Variants in SH3BP4 observed in about 807,000 individuals in gnomAD.
SH3BP4 encodes SH3 domain-binding protein 4.
In SH3BP4, 33 loss-of-function variants were observed where a neutral mutation model predicts 65.5. The observed-to-expected ratio is 0.50, with a 90% CI of 0.38 to 0.67. The LOEUF (loss-of-function observed/expected upper bound fraction) is 0.67, where lower values mean the gene tolerates loss of function less well. SH3BP4 is among the 30% of genes least tolerant of loss of function. The probability of loss-of-function intolerance (pLI) is 0.00; values close to 1 mark genes in which losing one functional copy is unlikely to be tolerated. For synonymous variants in SH3BP4, 552 were observed against 545.5 expected (o/e 1.01, Z -0.17); for missense variants, 1,134 against 1,261.4 (o/e 0.90, Z 1.53).
intron 1 of SH3BP4, among the ~76,000 whole-genome samples, chr2:234,975,420 C>T (rs566110861): frequency 1.1e-3 from 175 of 152,322 alleles, no homozygotes; most frequent in African/African-American, 4.1e-3. Context: ...CCCTTACCTC[C>T]AGCATCTGAG....
At chr2:234,986,305 T>C (rs1427417849) in intron 1 of SH3BP4, among the ~76,000 whole-genome samples, 12 of 152,212 alleles carry the variant, frequency 7.9e-5, no homozygotes, top group Admixed American at 7.2e-4. Context: ...CATATTTAAA[T>C]AAGGTCCAAG....
At chr2:235,025,687 A>G (rs1694978135) in intron 2 of SH3BP4, among the ~76,000 whole-genome samples, 2 of 152,232 alleles carry the variant, frequency 1.3e-5, no homozygotes, top group Non-Finnish European at 2.9e-5. Context: ...AGAAAAAATA[A>G]CAAGCACGAT....
Position 235,006,231 on chromosome 2 carries a change from C to T in SH3BP4, c.-133+10855C>T, listed in dbSNP as rs551149712. ...TCAGCCTTGGTCTCCTTTGTCTTTG[C>T]GGGCTTTGTTCCGCGAGGATTTTTT... On this transcript the variant is annotated intron_variant, in intron 2 of 5. Coordinates refer to ENST00000392011, the MANE Select transcript of SH3BP4 (RefSeq NM_014521.3). Among the ~76,000 whole-genome samples the T allele has an allele frequency of 3.3e-5, 5 of 152,180 alleles. No individual in the cohort carries two copies. The East Asian group carries it at 5.8e-4, about 18-fold the overall frequency.
intron 1 of SH3BP4, among the ~76,000 whole-genome samples, chr2:234,956,622 T>C (rs528930753): frequency 4.0e-5 from 6 of 149,590 alleles, no homozygotes; most frequent in African/African-American, 1.5e-4. Context: ...GGCTCAATCA[T>C]AGCTCACTGC....
At chr2:234,989,441 C>T (rs1693681300) in intron 1 of SH3BP4, among the ~76,000 whole-genome samples, 1 of 152,246 alleles carries the variant, frequency 6.6e-6, no homozygotes, top group Admixed American at 6.5e-5. Context: ...GGCAAACACT[C>T]CTGGCATGCA....
chr2:235,029,575 C>T (rs1053497236), intron 2 of SH3BP4, among the ~76,000 whole-genome samples: 2 of 147,888 alleles, frequency 1.4e-5, no homozygotes, highest in South Asian at 2.1e-4. Flanking sequence ...TCTCATGGCA[C>T]GTGCCTGGGA....
At chr2:235,029,633 T>C (rs1020571227) in intron 2 of SH3BP4, among the ~76,000 whole-genome samples, 1 of 152,234 alleles carries the variant, frequency 6.6e-6, no homozygotes, top group South Asian at 2.1e-4. Context: ...TAAAAATGTT[T>C]TATTGTGCAC....
intron 3 of SH3BP4, among the ~76,000 whole-genome samples, chr2:235,036,253 G>C (rs1236347766): frequency 6.6e-6 from 1 of 152,222 alleles, no homozygotes; most frequent in African/African-American, 2.4e-5. Context: ...GCCCGTGTGA[G>C]ATTTTATTTG....
rs1037066148 is a variant in SH3BP4, at chr2:235,046,743, A to G, written c.2478+3496A>G. ...TGAATGAATGAATGATGGATGAATG[A>G]ATGAATGATGAATGAATGAATGAAT... On this transcript the variant is annotated intron_variant, in intron 4 of 5. Coordinates refer to ENST00000392011, the MANE Select transcript of SH3BP4 (RefSeq NM_014521.3). The surrounding 1 kb of genome is among the most constrained non-coding windows in gnomAD (Gnocchi z 4.2). 6.7e-6 allele frequency among the ~76,000 whole-genome samples: 1 copy of G among 148,912 alleles called. No individual in the cohort carries two copies. The highest frequency in any genetic ancestry group is 6.7e-5 in the Admixed American group (1 of 15,020).
chr2:235,007,977 C>T (rs1574814613), intron 2 of SH3BP4, among the ~76,000 whole-genome samples: 1 of 152,252 alleles, frequency 6.6e-6, no homozygotes, highest in East Asian at 1.9e-4. Flanking sequence ...GAAGGACCAG[C>T]CGTTGGGGGT....
At chr2:234,983,353 C>T (rs1693450666) in intron 1 of SH3BP4, 1 of 152,252 alleles carries the variant, frequency 6.6e-6, no homozygotes, top group African/African-American at 2.4e-5. Context: ...TGCTATGTTC[C>T]AGGTTGTTCC....
At position 234,978,854 on chromosome 2, in the gene SH3BP4, G is replaced by GGATGGATCGAGAGTCAGC. The variant is rs1240134820; in HGVS notation, c.-206-16449_-206-16448insGATGGATCGAGAGTCAGC. The stretch of plus-strand genomic sequence containing the variant: ...GGTGAGATCCGAGAGTCATGCCGCT[G>GGATGGATCGAGAGTCAGC]CGTGGAGGAACATGCTGAACCTCTG... On this transcript the variant is annotated intron_variant, in intron 1 of 5. Coordinates refer to ENST00000392011, the MANE Select transcript of SH3BP4 (RefSeq NM_014521.3). The surrounding 1 kb of genome is among the most constrained non-coding windows in gnomAD (Gnocchi z 4.1). 1 of 152,262 alleles carries GGATGGATCGAGAGTCAGC rather than the reference G, an allele frequency of 6.6e-6. No homozygotes were observed. The highest frequency in any genetic ancestry group is 2.4e-5 in the African/African-American group (1 of 41,442). 9.4% of individuals were successfully genotyped at this position (152,262 alleles called of 1,614,324 possible).
At chr2:235,024,797 A>C (rs940777424) in intron 2 of SH3BP4, among the ~76,000 whole-genome samples, 2 of 152,182 alleles carry the variant, frequency 1.3e-5, no homozygotes, top group African/African-American at 4.8e-5. Context: ...TATTAATAAC[A>C]GTTGATTTTT....
chr2:235,006,999 A>T (rs1383822775), intron 2 of SH3BP4, among the ~76,000 whole-genome samples: 1 of 152,198 alleles, frequency 6.6e-6, no homozygotes, highest in Non-Finnish European at 1.5e-5. Flanking sequence ...TCAGAGACTT[A>T]AACGAGCTGA....
Position 234,974,069 on chromosome 2 carries a change from T to A in SH3BP4, c.-206-21234T>A, listed in dbSNP as rs897173955. Among the ~76,000 whole-genome samples the A allele has an allele frequency of 2.0e-5, 3 of 152,056 alleles. No homozygotes were observed. Among genetic ancestry groups the A allele is most frequent in the African/African-American group, 7.2e-5 (3 of 41,436 alleles). ...CTCACTGGCTCTGGGAAAACTCATT[T>A]AGCGATTTGTGAAGGACCTGGCGCA... is the stretch of plus-strand genomic sequence containing the variant. On this transcript the variant is annotated intron_variant, in intron 1 of 5. Transcript: ENST00000392011. The surrounding 1 kb of genome is among the most constrained non-coding windows in gnomAD (Gnocchi z 4.6).
At chr2:235,014,260 T>C (rs534023202) in intron 2 of SH3BP4, among the ~76,000 whole-genome samples, 15 of 152,290 alleles carry the variant, frequency 9.8e-5, no homozygotes, top group African/African-American at 3.4e-4. Context: ...CTTTGGGCTC[T>C]TAGGAAAGTC....
At chr2:234,968,717 G>C (rs7585146) in intron 1 of SH3BP4, among the ~76,000 whole-genome samples, 6,359 of 152,122 alleles carry the variant, frequency 0.042, 449 homozygotes, top group African/African-American at 0.14. Context: ...CCCCTTCCCC[G>C]ATCCACACTC....
At position 235,053,988 on chromosome 2, in the gene SH3BP4, C is replaced by T; in HGVS notation, c.*172C>T. The stretch of plus-strand genomic sequence containing the variant: ...CCGCCCTCCTCCATCGAGGGAGAGG[C>T]CTGAAGGGACTGCCTACTGCAGCTC... On this transcript the variant is annotated 3_prime_UTR_variant, in exon 6 of 6. Coordinates refer to ENST00000392011, the MANE Select transcript of SH3BP4 (RefSeq NM_014521.3). The T allele has an allele frequency of 1.7e-6, 1 of 597,510 alleles. No individual in the cohort carries two copies. Among genetic ancestry groups the T allele is most frequent in the Non-Finnish European group, 3.0e-6 (1 of 335,598 alleles). 37.0% of individuals were successfully genotyped at this position (597,510 alleles called of 1,614,324 possible).
At chr2:235,019,196 T>C (rs989671643) in intron 2 of SH3BP4, among the ~76,000 whole-genome samples, 1 of 152,050 alleles carries the variant, frequency 6.6e-6, no homozygotes, top group Non-Finnish European at 1.5e-5. Flanking sequence ...AGAATGGTTT[T>C]GTTGGTGGGT....
Sources: gnomAD v4.1 joint callset for allele counts (sites outside exome capture counted in the v4.1 genomes callset) on GRCh38, gnomAD v4.1.1 for gene constraint, Gnocchi (gnomAD v3.1) non-coding constraint, MANE v1.5 for transcripts, NCBI Gene and HGNC (gene_info 2026-07-23, HGNC 2026-07-21) for gene names.